The following SEMA6A variants were observed in gnomAD, a reference collection of about 807,000 sequenced individuals.
SEMA6A encodes the protein semaphorin-6A.
Under a neutral mutation model 96.8 loss-of-function variants are expected in SEMA6A, and 25 were observed. That is an observed-to-expected ratio of 0.26 (90% CI 0.19 to 0.36). SEMA6A has a LOEUF of 0.36. Ranked by LOEUF, SEMA6A falls within the 10% of genes least tolerant of loss-of-function variation. SEMA6A has a pLI of 1.00. For missense variants in SEMA6A, 1,363 were observed against 1,323.1 expected (o/e 1.03, Z -0.47); for synonymous variants, 612 against 518.0 (o/e 1.18, Z -2.46).
Position 116,467,746 on chromosome 5 carries a change from C to T in SEMA6A, c.1731G>A (p.Gly577=). The T allele has an allele frequency of 4.3e-6, 7 of 1,613,588 alleles. No homozygotes were observed. The highest frequency in any genetic ancestry group is 5.9e-6 in the Non-Finnish European group (7 of 1,179,726). ...DCHNSFVALN[G]HSSSLLPSTT... ...TGCTGGGCAAGAGGGAACTGGAATG[C>T]CCTGTTTTCATCACAAATACAGTTA... Residue 577 remains glycine (G), a splice_region_variant and synonymous_variant, in exon 18 of 19, where the codon GGG becomes GGA. Transcript: ENST00000343348.
At chr5:116,526,806 T>G (rs1285890725) in intron 1 of SEMA6A, among the ~76,000 whole-genome samples, 2 of 152,124 alleles carry the variant, frequency 1.3e-5, no homozygotes. Context: ...ACCCAGCATT[T>G]GCCTTTCTAC....
chr5:116,559,315 C>CCGCAAGGCCTGGTG (rs1356261939), intron 1 of SEMA6A, among the ~76,000 whole-genome samples: 2 of 152,180 alleles, frequency 1.3e-5, no homozygotes, highest in Non-Finnish European at 2.9e-5. Context: ...CAGGCCCAGT[C>CCGCAAGGCCTGGTG]CGCAAGGCCT....
At chr5:116,485,519 C>T (rs17139903) in intron 10 of SEMA6A, among the ~76,000 whole-genome samples, 35,149 of 152,070 alleles carry the variant, frequency 0.23, 4,695 homozygotes, top group African/African-American at 0.37. Context: ...TGGTGCAATA[C>T]GGGTTCGTAT....
At chr5:116,491,923 G>A in intron 6 of SEMA6A, 93 bp from the exon 7 acceptor site, 1 of 966,430 alleles carries the variant, frequency 1.0e-6, no homozygotes, top group Non-Finnish European at 1.7e-6. Flanking sequence ...CAGGCCTTTT[G>A]TAATCTGTAA....
intron 1 of SEMA6A, among the ~76,000 whole-genome samples, chr5:116,535,850 A>G (rs1167039422): frequency 1.3e-5 from 2 of 152,256 alleles, no homozygotes; most frequent in Non-Finnish European, 2.9e-5. Flanking sequence ...TGCTTAAAGC[A>G]GAAGTCTTTT....
chr5:116,456,249 A>C (rs1415019573), intron 18 of SEMA6A, among the ~76,000 whole-genome samples: 7 of 152,224 alleles, frequency 4.6e-5, no homozygotes, highest in Non-Finnish European at 8.8e-5. Context: ...GAAATCCTCA[A>C]GTCCTGCCCA....
At chr5:116,494,103 T>C (rs1757462388) in intron 6 of SEMA6A, among the ~76,000 whole-genome samples, 1 of 152,226 alleles carries the variant, frequency 6.6e-6, no homozygotes, top group African/African-American at 2.4e-5. Context: ...TATTAAATCC[T>C]ACCGGTTTGG....
intron 15 of SEMA6A, among the ~76,000 whole-genome samples, chr5:116,477,265 T>C (rs573578408): frequency 6.6e-6 from 1 of 151,406 alleles, no homozygotes; most frequent in African/African-American, 2.4e-5. Context: ...ACCAAAATCA[T>C]AGGCATGGTG....
chr5:116,509,872 GAGAAAGTT>G (rs1409908373), intron 1 of SEMA6A, among the ~76,000 whole-genome samples: 1 of 152,186 alleles, frequency 6.6e-6, no homozygotes, highest in African/African-American at 2.4e-5. Context: ...AGGGCAGGCA[GAGAAAGTT>G]CTATGCAGTG....
chr5:116,517,059 T>A (rs1369168487), intron 1 of SEMA6A, among the ~76,000 whole-genome samples: 1 of 152,204 alleles, frequency 6.6e-6, no homozygotes, highest in African/African-American at 2.4e-5. Context: ...CACAATTTCT[T>A]ATCTGCAATT....
At position 116,545,787 on chromosome 5, in the gene SEMA6A, T is replaced by C. The variant is rs116173309; in HGVS notation, c.-39+28398A>G. Reference sequence around the variant, plus strand: ...AAAATGGCAGCTCCAAATGGGAAAATGGAGACAAGAACCAATCTAGTCTTT... The same window carrying C: ...AAAATGGCAGCTCCAAATGGGAAAACGGAGACAAGAACCAATCTAGTCTTT... On this transcript the variant is annotated intron_variant, in intron 1 of 18. Coordinates refer to ENST00000343348, the MANE Select transcript of SEMA6A (RefSeq NM_020796.5). Among the ~76,000 whole-genome samples the C allele has an allele frequency of 2.8e-3, 432 of 152,172 alleles. 1 individual carries two copies. Among genetic ancestry groups the C allele is most frequent in the Middle Eastern group, 0.014 (4 of 294 alleles).
At chr5:116,478,483 A>G in intron 13 of SEMA6A, 59 bp downstream of exon 13, 1 of 1,459,814 alleles carries the variant, frequency 6.9e-7, no homozygotes, top group South Asian at 1.4e-5. Flanking sequence ...TCTCTGAATG[A>G]AAGGGGCCAT....
chr5:116,549,778 A>G (rs1035053878), intron 1 of SEMA6A, among the ~76,000 whole-genome samples: 6 of 152,162 alleles, frequency 3.9e-5, no homozygotes, highest in Admixed American at 1.3e-4. Context: ...CATTCATACT[A>G]TGTACAAATT....
At position 116,475,458 on chromosome 5, in the gene SEMA6A, C is replaced by G. The variant is rs115645002; in HGVS notation, c.1708+87G>C. The G allele has an allele frequency of 1.2e-3, 1,041 of 847,022 alleles. 9 individuals carry two copies. The African/African-American group carries it at 0.015, about 13-fold the overall frequency. 52.5% of individuals were successfully genotyped at this position (847,022 alleles called of 1,614,324 possible). On this transcript the variant is annotated intron_variant, in intron 16 of 18. Transcript: ENST00000343348. ...CGCATGCTTTAGTGTCAGCTGCACT[C>G]AGTTCCACATGTGAGCTGATGTTTC...
chr5:116,464,665 G>C (rs1003548826), intron 18 of SEMA6A, among the ~76,000 whole-genome samples: 2 of 152,130 alleles, frequency 1.3e-5, no homozygotes, highest in African/African-American at 4.8e-5. Flanking sequence ...GTAGCAGAAG[G>C]GGGTTAGGCT....
At position 116,455,407 on chromosome 5, in the gene SEMA6A, C is replaced by T. The variant is rs12520026; in HGVS notation, c.1895-7596G>A. Among the ~76,000 whole-genome samples the T allele has an allele frequency of 9.1e-3, 1,392 of 152,272 alleles. 54 individuals carry two copies. Among genetic ancestry groups the T allele is most frequent in the Admixed American group, 0.053 (808 of 15,292 alleles). On this transcript the variant is annotated intron_variant, in intron 18 of 18. Coordinates refer to ENST00000343348, the MANE Select transcript of SEMA6A (RefSeq NM_020796.5). Reference sequence around the variant, plus strand: ...CAAAGTTTTAGCAGAGTCTGCAAGGCGTATTTTCCTGCTTTTTGAAGTTTT... The same window carrying T: ...CAAAGTTTTAGCAGAGTCTGCAAGGTGTATTTTCCTGCTTTTTGAAGTTTT...
At chr5:116,515,582 A>T (rs927535579) in intron 1 of SEMA6A, among the ~76,000 whole-genome samples, 13 of 152,240 alleles carry the variant, frequency 8.5e-5, no homozygotes, top group African/African-American at 2.7e-4. Flanking sequence ...TTTAGCACCT[A>T]GAGTTTTCCA....
chr5:116,452,280 C>CTATT (rs773854987), intron 18 of SEMA6A, among the ~76,000 whole-genome samples: 5 of 152,206 alleles, frequency 3.3e-5, no homozygotes, highest in Non-Finnish European at 7.3e-5. Context: ...TAACCACCAG[C>CTATT]TATTTCTCAC....
chr5:116,449,337 G>T (rs1272940397), intron 18 of SEMA6A: 1 of 702,238 alleles, frequency 1.4e-6, no homozygotes, highest in Non-Finnish European at 2.6e-6. Context: ...CTCGGGAGAC[G>T]CATTTTTCAT....
Sources: gnomAD v4.1 joint callset for allele counts (sites outside exome capture counted in the v4.1 genomes callset) on GRCh38, gnomAD v4.1.1 for gene constraint, MANE v1.5 for transcripts, NCBI Gene and HGNC (gene_info 2026-07-23, HGNC 2026-07-21) for gene names.